The following GPC6 variants were observed in gnomAD, a reference collection of about 807,000 sequenced individuals.
GPC6 encodes glypican 6, also known as glypican-6.
In GPC6, 14 loss-of-function variants were observed where a neutral mutation model predicts 55.2. The observed-to-expected ratio is 0.25, with a 90% CI of 0.17 to 0.40. The LOEUF is 0.40. Among genes scored for constraint, GPC6 ranks in the 10% least tolerant of loss-of-function variants. The probability of loss-of-function intolerance (pLI) is 1.00; values close to 1 mark genes in which losing one functional copy is unlikely to be tolerated. For synonymous variants in GPC6, 278 were observed against 259.6 expected (o/e 1.07, Z -0.68); for missense variants, 641 against 708.5 (o/e 0.90, Z 1.08).
intron 6 of GPC6, among the ~76,000 whole-genome samples, chr13:94,317,983 G>A (rs946400092): frequency 6.6e-6 from 1 of 152,140 alleles, no homozygotes; most frequent in Non-Finnish European, 1.5e-5. Flanking sequence ...GCCAAAGAAT[G>A]CTATTTTTAT....
chr13:93,878,435 G>A (rs975422498), intron 3 of GPC6, among the ~76,000 whole-genome samples: 4 of 151,896 alleles, frequency 2.6e-5, no homozygotes, highest in Non-Finnish European at 5.9e-5. Flanking sequence ...GGAGTGCAGT[G>A]GCACCATCTT....
chr13:93,805,716 T>G (rs558553784), intron 2 of GPC6, among the ~76,000 whole-genome samples: 8 of 152,332 alleles, frequency 5.3e-5, no homozygotes, highest in Non-Finnish European at 7.4e-5. Context: ...GAATTGTTGA[T>G]CATCCCCTCC....
intron 6 of GPC6, among the ~76,000 whole-genome samples, chr13:94,366,387 A>C (rs531273156): frequency 1.4e-4 from 21 of 152,344 alleles, no homozygotes; most frequent in African/African-American, 4.6e-4. Context: ...CTTGTTAGCT[A>C]TATCAGGAAA....
chr13:93,547,799 A>C (rs548543277), intron 2 of GPC6, among the ~76,000 whole-genome samples: 45 of 150,514 alleles, frequency 3.0e-4, no homozygotes, highest in East Asian at 9.7e-4. Context: ...TAATAATAAT[A>C]ATAATCATCA....
chr13:93,648,423 T>A (rs1218846728), intron 2 of GPC6, among the ~76,000 whole-genome samples: 2 of 152,142 alleles, frequency 1.3e-5, no homozygotes, highest in African/African-American at 4.8e-5. Context: ...AAGGAATAAT[T>A]TTACTGAAAT....
At chr13:93,509,075 G>A (rs1880844050) in intron 1 of GPC6, among the ~76,000 whole-genome samples, 1 of 152,180 alleles carries the variant, frequency 6.6e-6, no homozygotes, top group South Asian at 2.1e-4. Flanking sequence ...AGTGGTTCCA[G>A]TGACTTGAGC....
chr13:94,037,565 A>G (rs1480969279), intron 4 of GPC6, among the ~76,000 whole-genome samples: 1 of 151,938 alleles, frequency 6.6e-6, no homozygotes, highest in Non-Finnish European at 1.5e-5. Flanking sequence ...ATTACTTTAA[A>G]CTTTTAACCC....
chr13:93,276,961 GT>G, intron 1 of GPC6, among the ~76,000 whole-genome samples: 1 of 152,262 alleles, frequency 6.6e-6, no homozygotes, highest in Non-Finnish European at 1.5e-5. Context: ...TATTTCGACA[GT>G]TTTTGAGGCA....
At chr13:93,449,088 GGATA>G (rs1171306274) in intron 1 of GPC6, among the ~76,000 whole-genome samples, 1 of 152,162 alleles carries the variant, frequency 6.6e-6, no homozygotes, top group Non-Finnish European at 1.5e-5. Flanking sequence ...CTGAGAGCAG[GGATA>G]GATATAGTAT....
chr13:93,639,860 G>A (rs1029613394), intron 2 of GPC6, among the ~76,000 whole-genome samples: 1 of 152,034 alleles, frequency 6.6e-6, no homozygotes, highest in Non-Finnish European at 1.5e-5. Context: ...TATAAATTTA[G>A]CATTACTGTA....
chr13:93,942,798 T>C (rs987497544), intron 3 of GPC6, among the ~76,000 whole-genome samples: 2 of 152,162 alleles, frequency 1.3e-5, no homozygotes, highest in Non-Finnish European at 2.9e-5. Flanking sequence ...TAATAGTACA[T>C]TCAAACTTCT....
intron 1 of GPC6, among the ~76,000 whole-genome samples, chr13:93,442,463 T>A (rs143621362): frequency 1.4e-4 from 21 of 152,168 alleles, no homozygotes; most frequent in African/African-American, 4.3e-4. Flanking sequence ...AGAATAACAA[T>A]CTCTTTACTA....
intron 2 of GPC6, among the ~76,000 whole-genome samples, chr13:93,609,887 G>A (rs1878393963): frequency 6.6e-6 from 1 of 152,126 alleles, no homozygotes; most frequent in Admixed American, 6.5e-5. Flanking sequence ...ACTGTCTTAT[G>A]ATAAAGCAAC....
At chr13:93,499,195 C>G (rs1056444309) in intron 1 of GPC6, among the ~76,000 whole-genome samples, 1 of 151,992 alleles carries the variant, frequency 6.6e-6, no homozygotes, top group Non-Finnish European at 1.5e-5. Context: ...GCAAATTCAG[C>G]TGACTATCCA....
intron 1 of GPC6, among the ~76,000 whole-genome samples, chr13:93,404,186 G>C (rs928906729): frequency 1.3e-5 from 2 of 152,088 alleles, no homozygotes; most frequent in Non-Finnish European, 2.9e-5. Context: ...TTAACCTCAA[G>C]AGACTAAAAA....
chr13:93,993,239 G>A (rs768685474), intron 3 of GPC6, among the ~76,000 whole-genome samples: 7 of 150,868 alleles, frequency 4.6e-5, no homozygotes, highest in African/African-American at 9.7e-5. Flanking sequence ...TTCTTTTGTC[G>A]TATCTATTTT....
intron 2 of GPC6, among the ~76,000 whole-genome samples, chr13:93,777,595 T>C (rs1356040825): frequency 2.0e-5 from 3 of 152,196 alleles, no homozygotes; most frequent in African/African-American, 7.2e-5. Context: ...GTAGAATCGG[T>C]ACCTATGTAG....
chr13:94,333,452 T>G (rs1050800106), intron 6 of GPC6, among the ~76,000 whole-genome samples: 1 of 152,158 alleles, frequency 6.6e-6, no homozygotes, highest in African/African-American at 2.4e-5. Context: ...ATAAACCCAA[T>G]TTTAGAAGAG....
chr13:93,527,086 GT>G (rs1051688822), intron 1 of GPC6, among the ~76,000 whole-genome samples: 2 of 151,686 alleles, frequency 1.3e-5, no homozygotes, highest in African/African-American at 4.8e-5. Flanking sequence ...ATTATTTAGA[GT>G]TTTTTTATAT....
Sources: gnomAD v4.1 joint callset for allele counts (sites outside exome capture counted in the v4.1 genomes callset) on GRCh38, gnomAD v4.1.1 for gene constraint, MANE v1.5 for transcripts, NCBI Gene and HGNC (gene_info 2026-07-23, HGNC 2026-07-21) for gene names.